Variants in SHB observed in about 807,000 individuals in gnomAD.
SHB encodes SH2 domain-containing adapter protein B.
A neutral mutation model predicts 52.3 loss-of-function variants in SHB; 20 were observed. The observed-to-expected ratio is 0.38, with a 90% CI of 0.27 to 0.56. SHB has a LOEUF of 0.56. Ranked by LOEUF, SHB falls within the 20% of genes least tolerant of loss-of-function variation. The pLI is 0.71. For synonymous variants in SHB, 397 were observed against 316.5 expected (o/e 1.25, Z -2.70); for missense variants, 825 against 723.3 (o/e 1.14, Z -1.61).
At chr9:37,932,972 T>G (rs762549800) in intron 5 of SHB, among the ~76,000 whole-genome samples, 2 of 152,182 alleles carry the variant, frequency 1.3e-5, no homozygotes, top group African/African-American at 4.8e-5. Flanking sequence ...TATATCTTCA[T>G]TATACACAAT....
chr9:37,936,424 T>G (rs1318439592), intron 5 of SHB, among the ~76,000 whole-genome samples: 1 of 152,252 alleles, frequency 6.6e-6, no homozygotes, highest in Non-Finnish European at 1.5e-5. Context: ...CCGACTGGGC[T>G]GACCTTTGCA....
intron 5 of SHB, among the ~76,000 whole-genome samples, chr9:37,927,859 C>T (rs926855650): frequency 6.6e-6 from 1 of 151,958 alleles, no homozygotes; most frequent in Admixed American, 6.6e-5. Context: ...GACGCAGAAG[C>T]GGAGGGGGAT....
At chr9:37,929,660 C>CCCAGT (rs1832291302) in intron 5 of SHB, among the ~76,000 whole-genome samples, 2 of 152,232 alleles carry the variant, frequency 1.3e-5, no homozygotes, top group Non-Finnish European at 2.9e-5. Context: ...GCCTGCCTGG[C>CCCAGT]TGGGGTGGGA....
intron 4 of SHB, among the ~76,000 whole-genome samples, chr9:37,953,421 G>T (rs998482703): frequency 3.4e-5 from 5 of 146,994 alleles, no homozygotes; most frequent in South Asian, 4.3e-4. Flanking sequence ...TTGAGTCAAG[G>T]TTTTTTTTTT....
chr9:38,031,387 G>C (rs925205114), intron 1 of SHB, among the ~76,000 whole-genome samples: 9 of 152,108 alleles, frequency 5.9e-5, no homozygotes, highest in African/African-American at 2.2e-4. Flanking sequence ...ACAGTAAAAA[G>C]GTAAAAAGGA....
chr9:37,948,562 C>T, intron 5 of SHB, 73 bp downstream of exon 5: 2 of 1,579,884 alleles, frequency 1.3e-6, no homozygotes, highest in Non-Finnish European at 1.7e-6. Context: ...GGTTTTTCTG[C>T]CACAGACACG....
intron 5 of SHB, among the ~76,000 whole-genome samples, chr9:37,927,828 TG>T (rs1832267558): frequency 6.6e-6 from 1 of 152,018 alleles, no homozygotes; most frequent in Non-Finnish European, 1.5e-5. Context: ...CAAGTGCACG[TG>T]GAAACTGCAA....
At chr9:37,931,207 ATTT>A (rs1232650299) in intron 5 of SHB, among the ~76,000 whole-genome samples, 1 of 152,158 alleles carries the variant, frequency 6.6e-6, no homozygotes, top group South Asian at 2.1e-4. Context: ...CTTGGCAATG[ATTT>A]TTTTGGATAT....
At chr9:37,985,436 T>G (rs143400488) in intron 2 of SHB, among the ~76,000 whole-genome samples, 46 of 152,374 alleles carry the variant, frequency 3.0e-4, no homozygotes, top group African/African-American at 9.9e-4. Flanking sequence ...TGATCCACAG[T>G]GTCCATTAGC....
chr9:38,028,645 T>C (rs904150217), intron 1 of SHB, among the ~76,000 whole-genome samples: 2 of 152,236 alleles, frequency 1.3e-5, no homozygotes, highest in Admixed American at 6.5e-5. Flanking sequence ...CAGCGCAGGC[T>C]GAGTTAGCTG....
chr9:37,972,122 G>A (rs1425513394), intron 3 of SHB, among the ~76,000 whole-genome samples: 1 of 152,184 alleles, frequency 6.6e-6, no homozygotes, highest in African/African-American at 2.4e-5. Context: ...CCCACAGGGG[G>A]TCAGTCCAGG....
At position 38,013,466 on chromosome 9, in the gene SHB, C is replaced by T. The variant is rs943928268; in HGVS notation, c.838+2545G>A. ...AAACTACAAGAAAATTAGCCTGGCA[C>T]GGTGGCACGTGCCTATGGTCTCAAC... On this transcript the variant is annotated intron_variant, in intron 2 of 5. Transcript: ENST00000377707. Among the ~76,000 whole-genome samples, 9 of 152,160 alleles carry T rather than the reference C, an allele frequency of 5.9e-5. No individual in the cohort carries two copies. In the South Asian group the frequency reaches 1.0e-3, roughly 18 times the overall value.
intron 5 of SHB, among the ~76,000 whole-genome samples, chr9:37,930,466 T>C (rs1387897638): frequency 6.6e-6 from 1 of 151,926 alleles, no homozygotes; most frequent in Non-Finnish European, 1.5e-5. Context: ...GAAGCAGCAA[T>C]GCCCCCTGCT....
intron 1 of SHB, among the ~76,000 whole-genome samples, chr9:38,062,569 G>A (rs1259674064): frequency 2.0e-5 from 3 of 152,118 alleles, no homozygotes; most frequent in East Asian, 1.9e-4. Context: ...GAGACCACAC[G>A]GAACAGAGCT....
intron 2 of SHB, among the ~76,000 whole-genome samples, chr9:38,014,736 G>C (rs1469993528): frequency 2.0e-5 from 3 of 152,218 alleles, no homozygotes; most frequent in Non-Finnish European, 4.4e-5. Context: ...CTGGTGGTCA[G>C]AGAATCTCCT....
At chr9:38,006,462 T>G (rs1318514102) in intron 2 of SHB, among the ~76,000 whole-genome samples, 1 of 152,238 alleles carries the variant, frequency 6.6e-6, no homozygotes, top group African/African-American at 2.4e-5. Flanking sequence ...TGAGTCTCCC[T>G]GAGCCTATTT....
intron 2 of SHB, among the ~76,000 whole-genome samples, chr9:37,993,200 T>C (rs2118019933): frequency 6.6e-6 from 1 of 152,320 alleles, no homozygotes; most frequent in South Asian, 2.1e-4. Flanking sequence ...GGATGAAGTC[T>C]TGTGACCAAG....
intron 5 of SHB, among the ~76,000 whole-genome samples, chr9:37,934,493 G>A (rs1409212587): frequency 4.0e-5 from 6 of 151,200 alleles, no homozygotes; most frequent in Non-Finnish European, 7.4e-5. Flanking sequence ...TAGAGACCTC[G>A]TCTCACTATG....
intron 3 of SHB, among the ~76,000 whole-genome samples, chr9:37,972,931 A>T (rs1820609027): frequency 6.6e-6 from 1 of 152,200 alleles, no homozygotes; most frequent in Non-Finnish European, 1.5e-5. Context: ...CTAAAGATAA[A>T]AAGTTTCCCT....
Sources: allele counts gnomAD v4.1 joint callset (sites outside exome capture counted in the v4.1 genomes callset), GRCh38; gene constraint gnomAD v4.1.1; transcripts MANE v1.5; gene names NCBI Gene and HGNC (gene_info 2026-07-23, HGNC 2026-07-21).